Variants in PPP2R5E observed in about 807,000 individuals in gnomAD.
PPP2R5E encodes protein phosphatase 2 regulatory subunit B'epsilon, also known as serine/threonine-protein phosphatase 2A 56 kDa regulatory subunit epsilon isoform.
A neutral mutation model predicts 65.3 loss-of-function variants in PPP2R5E; 4 were observed. The ratio of observed to expected loss-of-function variants is 0.06; its 90% CI spans 0.03 to 0.14. The LOEUF is 0.14. PPP2R5E is among the 10% of genes least tolerant of loss of function. The probability of loss-of-function intolerance (pLI) is 1.00; values close to 1 mark genes in which losing one functional copy is unlikely to be tolerated. For synonymous variants in PPP2R5E, 183 were observed against 187.4 expected (o/e 0.98, Z 0.19); for missense variants, 274 against 556.1 (o/e 0.49, Z 5.10).
chr14:63,399,198 T>C (rs1885591573), intron 5 of PPP2R5E, among the ~76,000 whole-genome samples: 1 of 152,180 alleles, frequency 6.6e-6, no homozygotes, highest in African/African-American at 2.4e-5. Context: ...CTGATACATG[T>C]TACAACATCA....
rs1883861507 is a variant in PPP2R5E at position 63,374,380 on chromosome 14, A to C, written c.*1629T>G. On this transcript the variant is annotated 3_prime_UTR_variant, in exon 14 of 14. Coordinates refer to ENST00000337537, the MANE Select transcript of PPP2R5E (RefSeq NM_006246.5). ...ATATGTTCATGTTTGCTACTATCAC[A>C]ATTCAACATATGAACACAGATCAGC... The C allele has an allele frequency of 6.6e-6, 1 of 151,840 alleles. No homozygotes were observed. The highest frequency in any genetic ancestry group is 2.4e-5 in the African/African-American group (1 of 41,364). 9.4% of individuals were successfully genotyped at this position (151,840 alleles called of 1,614,324 possible). A position where few individuals can be genotyped will look rare whatever the true frequency, so the allele number is the denominator to read the frequency against.
At chr14:63,463,102 CAAA>C (rs35267340) in intron 2 of PPP2R5E, among the ~76,000 whole-genome samples, 14 of 88,650 alleles carry the variant, frequency 1.6e-4, no homozygotes, top group African/African-American at 4.3e-4. Flanking sequence ...AACTCCATCT[CAAA>C]AAAAAAAAAA....
intron 3 of PPP2R5E, among the ~76,000 whole-genome samples, chr14:63,438,500 A>T (rs932399968): frequency 6.6e-6 from 1 of 152,196 alleles, no homozygotes; most frequent in East Asian, 1.9e-4. Context: ...GAAAAGAGAA[A>T]CCAAAACTTG....
At chr14:63,474,994 A>G (rs1160764393) in intron 2 of PPP2R5E, among the ~76,000 whole-genome samples, 1 of 152,230 alleles carries the variant, frequency 6.6e-6, no homozygotes. Context: ...GTATGTTTCT[A>G]CAAGGAAAAT....
At chr14:63,403,302 C>T (rs1006597109) in intron 5 of PPP2R5E, among the ~76,000 whole-genome samples, 1 of 150,396 alleles carries the variant, frequency 6.6e-6, no homozygotes, top group African/African-American at 2.5e-5. Flanking sequence ...GTGGCATACA[C>T]CTGTAATCCC....
intron 2 of PPP2R5E, among the ~76,000 whole-genome samples, chr14:63,538,414 G>A (rs1208281279): frequency 6.6e-6 from 1 of 151,528 alleles, no homozygotes; most frequent in Non-Finnish European, 1.5e-5. Flanking sequence ...TGCCACCACC[G>A]CGCCTAATTT....
intron 3 of PPP2R5E, among the ~76,000 whole-genome samples, chr14:63,450,587 T>C (rs1410656876): frequency 6.6e-6 from 1 of 152,232 alleles, no homozygotes; most frequent in Non-Finnish European, 1.5e-5. Context: ...TGACATCCAA[T>C]ATCTTAATCA....
chr14:63,484,361 A>T (rs1015548818), intron 2 of PPP2R5E, among the ~76,000 whole-genome samples: 4 of 151,432 alleles, frequency 2.6e-5, no homozygotes, highest in African/African-American at 9.7e-5. Context: ...ACACACACAC[A>T]CACACACACA....
Position 63,373,556 on chromosome 14 carries a change from A to G in PPP2R5E, c.*2453T>C, listed in dbSNP as rs1348414674. 1 of 152,244 alleles carries G rather than the reference A, an allele frequency of 6.6e-6. No homozygotes were observed. The highest frequency in any genetic ancestry group is 1.5e-5 in the Non-Finnish European group (1 of 68,046). The allele number at this position is 152,244 out of a possible 1,614,324, so 9.4% of individuals were successfully genotyped here. ...AGAAGTTGCCCTACGAATTTTAGAC[A>G]TATAGCTTTAATTGATTCTATAAAT... On this transcript the variant is annotated 3_prime_UTR_variant, in exon 14 of 14. Transcript: ENST00000337537.
intron 2 of PPP2R5E, among the ~76,000 whole-genome samples, chr14:63,478,498 C>A (rs1013032280): frequency 7.9e-5 from 12 of 152,114 alleles, no homozygotes; most frequent in African/African-American, 2.9e-4. Context: ...TCTTTAACAT[C>A]TGGCTTAATA....
intron 2 of PPP2R5E, among the ~76,000 whole-genome samples, chr14:63,461,805 A>T (rs780895489): frequency 2.8e-4 from 43 of 150,902 alleles, no homozygotes; most frequent in Admixed American, 2.0e-3. Flanking sequence ...AAAAAGATAT[A>T]AATAAAAATA....
intron 5 of PPP2R5E, among the ~76,000 whole-genome samples, chr14:63,406,182 C>T (rs1392822211): frequency 2.6e-5 from 4 of 152,006 alleles, no homozygotes; most frequent in East Asian, 1.9e-4. Context: ...GAGGCCGAGG[C>T]GGGCAGATCA....
rs1185543605 is a variant in PPP2R5E at position 63,495,158 on chromosome 14, G to A, written c.158-41273C>T. The stretch of plus-strand genomic sequence containing the variant: ...GAGGAGGTTGCAGTGAGCCAAGAAC[G>A]CGCCACTGCACTCCAGCCTGGGTGA... On this transcript the variant is annotated intron_variant, in intron 2 of 13. Transcript: ENST00000337537. 4.0e-5 allele frequency among the ~76,000 whole-genome samples: 6 copies of A among 151,282 alleles called. No homozygotes were observed. The South Asian group carries it at 8.4e-4, about 21-fold the overall frequency.
chr14:63,432,333 T>A (rs1478448807), intron 3 of PPP2R5E, among the ~76,000 whole-genome samples: 2 of 152,200 alleles, frequency 1.3e-5, no homozygotes, highest in Non-Finnish European at 2.9e-5. Context: ...TTATGATGAA[T>A]TGGTATAACT....
chr14:63,480,314 C>T (rs1192277525), intron 2 of PPP2R5E, among the ~76,000 whole-genome samples: 6 of 152,034 alleles, frequency 3.9e-5, no homozygotes, highest in Non-Finnish European at 7.4e-5. Context: ...AAAAATTAGC[C>T]AGGTGTGTTG....
intron 2 of PPP2R5E, among the ~76,000 whole-genome samples, chr14:63,535,230 G>A (rs544567755): frequency 6.6e-6 from 1 of 151,988 alleles, no homozygotes; most frequent in East Asian, 1.9e-4. Flanking sequence ...TTTGAGACCA[G>A]CCTGGCTGGT....
intron 2 of PPP2R5E, among the ~76,000 whole-genome samples, chr14:63,491,645 C>T (rs1243833407): frequency 1.3e-5 from 2 of 151,986 alleles, no homozygotes; most frequent in East Asian, 3.9e-4. Flanking sequence ...GTCAGGAGAT[C>T]GACACCAGCC....
At position 63,525,050 on chromosome 14, in the gene PPP2R5E, C is replaced by T. The variant is rs146600847; in HGVS notation, c.157+14479G>A. Among the ~76,000 whole-genome samples, 470 of 152,326 alleles carry T rather than the reference C, an allele frequency of 3.1e-3. 1 individual carries two copies. The highest frequency in any genetic ancestry group is 4.6e-3 in the Non-Finnish European group (311 of 68,022). On this transcript the variant is annotated intron_variant, in intron 2 of 13. Transcript: ENST00000337537. The stretch of plus-strand genomic sequence containing the variant: ...GGTCCCACCCCTGGCTCTCTCTGCA[C>T]GAGTGGGCAAGTTACTTTGCCCTCA...
At chr14:63,524,787 C>T (rs1893110931) in intron 2 of PPP2R5E, among the ~76,000 whole-genome samples, 1 of 152,200 alleles carries the variant, frequency 6.6e-6, no homozygotes, top group Admixed American at 6.5e-5. Flanking sequence ...ACACCTCTCC[C>T]CATCACCACC....
Sources: allele counts gnomAD v4.1 joint callset (sites outside exome capture counted in the v4.1 genomes callset), GRCh38; gene constraint gnomAD v4.1.1; transcripts MANE v1.5; gene names NCBI Gene and HGNC (gene_info 2026-07-23, HGNC 2026-07-21).